FBLN7: variants seen among roughly 807,000 people sequenced by gnomAD.
The protein encoded by FBLN7 is fibulin 7.
FBLN7 carries 31 observed loss-of-function variants against 44.0 expected under a neutral mutation model. The observed-to-expected ratio is 0.70, with a 90% CI of 0.53 to 0.95. The LOEUF (loss-of-function observed/expected upper bound fraction) is 0.95. FBLN7 is among the 40% of genes least tolerant of loss of function. FBLN7 has a pLI of 0.00. For synonymous variants in FBLN7, 262 were observed against 253.4 expected (o/e 1.03, Z -0.32); for missense variants, 573 against 618.5 (o/e 0.93, Z 0.78).
intron 5 of FBLN7, 138 bp downstream of exon 5, chr2:112,182,014 T>A: frequency 9.2e-7 from 1 of 1,085,202 alleles, no homozygotes; most frequent in Non-Finnish European, 1.3e-6. Flanking sequence ...CACTTTGCAT[T>A]ATAGGTAAGT....
chr2:112,161,263 G>A (rs776426103), intron 2 of FBLN7, among the ~76,000 whole-genome samples: 1 of 152,148 alleles, frequency 6.6e-6, no homozygotes, highest in Non-Finnish European at 1.5e-5. Context: ...TTTATCAAGG[G>A]CTGTCTTTGT....
intron 4 of FBLN7, chr2:112,176,096 T>TA (rs1682726177): frequency 3.3e-6 from 1 of 300,244 alleles, no homozygotes; most frequent in African/African-American, 2.2e-5. Context: ...ACTCCCAACG[T>TA]AAAAATCCCC....
chr2:112,194,686 C>A, the FBLN7 span, among the ~76,000 whole-genome samples: 1 of 152,182 alleles, frequency 6.6e-6, no homozygotes. Context: ...GATTTTAGGG[C>A]CAATTTTCAA....
At chr2:112,196,399 T>TTTTA in the FBLN7 span, among the ~76,000 whole-genome samples, 1 of 83,460 alleles carries the variant, frequency 1.2e-5, no homozygotes, top group Non-Finnish European at 2.4e-5. Context: ...TTTTTTTTTT[T>TTTTA]GAGACAGGGT....
chr2:112,170,261 C>CA (rs1462641805), intron 3 of FBLN7, among the ~76,000 whole-genome samples: 1 of 144,076 alleles, frequency 6.9e-6, no homozygotes, highest in African/African-American at 2.6e-5. Context: ...CAAAACAAAA[C>CA]AAAAACAGAA....
the FBLN7 span, among the ~76,000 whole-genome samples, chr2:112,236,033 G>C: frequency 2.6e-5 from 4 of 152,026 alleles, no homozygotes; most frequent in Admixed American, 2.0e-4. Context: ...GGGAGCCGAG[G>C]CAGGTGGATC....
At position 112,181,541 on chromosome 2, in the gene FBLN7, C is replaced by G. The variant is rs554615203; in HGVS notation, c.533-198C>G. Among the ~76,000 whole-genome samples the G allele has an allele frequency of 2.0e-5, 3 of 152,266 alleles. No individual in the cohort carries two copies. In the South Asian group the frequency reaches 6.2e-4, roughly 32 times the overall value. On this transcript the variant is annotated intron_variant, in intron 4 of 7. Transcript: ENST00000331203. ...ATTCTATTCCAGGGCGCTTCCTTTC[C>G]CGCGCCCCCTTCGCGTAGGCCCTGG...
chr2:112,184,362 C>T (rs531098351), intron 6 of FBLN7, among the ~76,000 whole-genome samples: 3 of 152,276 alleles, frequency 2.0e-5, no homozygotes, highest in South Asian at 4.1e-4. Context: ...ATTGGGGCCC[C>T]GCTGCAGGGC....
chr2:112,198,809 G>A, the FBLN7 span, among the ~76,000 whole-genome samples: 1 of 152,122 alleles, frequency 6.6e-6, no homozygotes, highest in Non-Finnish European at 1.5e-5. Context: ...AGAACTGTGA[G>A]AAATAAATTT....
the FBLN7 span, chr2:112,216,357 A>G: frequency 6.6e-6 from 1 of 152,390 alleles, no homozygotes. Context: ...CACCCCAGTC[A>G]CACAAGAGGG....
In FBLN7 at chr2:112,175,578, A is replaced by G. The variant is rs185056450; in HGVS notation, c.407-136A>G. On this transcript the variant is annotated intron_variant, in intron 3 of 7. Coordinates refer to ENST00000331203, the MANE Select transcript of FBLN7 (RefSeq NM_153214.3). ...GCTCTTGCGGGTGGAGAGGGTGGAA[A>G]GAGTGGGTGGGGTCAGGTAGAAAGT... 2.6e-6 allele frequency: 3 copies of G among 1,132,722 alleles called. No homozygotes were observed. In the African/African-American group the frequency reaches 4.7e-5, roughly 18 times the overall value. The allele number at this position is 1,132,722 out of a possible 1,614,324, so 70.2% of individuals were successfully genotyped here.
chr2:112,180,164 A>G (rs1293323208), intron 4 of FBLN7, among the ~76,000 whole-genome samples: 3 of 152,220 alleles, frequency 2.0e-5, no homozygotes, highest in African/African-American at 7.2e-5. Flanking sequence ...CCCCATTAAA[A>G]AGTGGGCAAC....
Position 112,181,904 on chromosome 2 carries a change from G to A in FBLN7, c.670+28G>A, listed in dbSNP as rs987708648. On this transcript the variant is annotated intron_variant, in intron 5 of 7. Coordinates refer to ENST00000331203, the MANE Select transcript of FBLN7 (RefSeq NM_153214.3). Reference sequence around the variant, plus strand: ...AGGCGCGGGCTCCGCCAGGACACTGGGGACAGCACGGGGAGGACATGGGGC... The same window carrying A: ...AGGCGCGGGCTCCGCCAGGACACTGAGGACAGCACGGGGAGGACATGGGGC... The A allele has an allele frequency of 3.9e-6, 6 of 1,530,564 alleles. No individual in the cohort carries two copies. The East Asian group carries it at 7.4e-5, about 19-fold the overall frequency. The allele number at this position is 1,530,564 out of a possible 1,614,324, so 94.8% of individuals were successfully genotyped here. A position where few individuals can be genotyped will look rare whatever the true frequency, so the allele number is the denominator to read the frequency against.
rs878880815 is a variant in FBLN7 at position 112,183,725 on chromosome 2, A to G, written c.808+797A>G. Among the ~76,000 whole-genome samples the G allele has an allele frequency of 2.0e-5, 3 of 152,144 alleles. No homozygotes were observed. The South Asian group carries it at 6.2e-4, about 32-fold the overall frequency. ...CCAGTGCTGAATCCTGTCCATCAGC[A>G]GTGGTTTCCTGGAGGGCCGGGTTGA... On this transcript the variant is annotated intron_variant, in intron 6 of 7. Transcript: ENST00000331203.
chr2:112,222,395 G>C, the FBLN7 span, among the ~76,000 whole-genome samples: 3 of 152,172 alleles, frequency 2.0e-5, no homozygotes, highest in East Asian at 5.8e-4. Flanking sequence ...GGTGGGGGGA[G>C]GGTGGAGTTG....
chr2:112,140,312 C>T (rs1253642581), intron 1 of FBLN7, among the ~76,000 whole-genome samples: 2 of 151,784 alleles, frequency 1.3e-5, no homozygotes, highest in East Asian at 1.9e-4. Flanking sequence ...GGTCAGTGTC[C>T]CTCCTGCCTC....
At chr2:112,173,823 G>T (rs574288704) in intron 3 of FBLN7, among the ~76,000 whole-genome samples, 1 of 152,342 alleles carries the variant, frequency 6.6e-6, no homozygotes, top group Non-Finnish European at 1.5e-5. Context: ...TGGACATCAG[G>T]CCATTGGATG....
chr2:112,140,283 T>C (rs994408548), intron 1 of FBLN7, among the ~76,000 whole-genome samples: 41 of 149,034 alleles, frequency 2.8e-4, no homozygotes, highest in African/African-American at 1.0e-3. Context: ...CAGGTCAGTG[T>C]CCCTCCCGCC....
chr2:112,183,018 GGA>G, intron 6 of FBLN7, 90 bp downstream of exon 6: 1 of 1,521,460 alleles, frequency 6.6e-7, no homozygotes, highest in Non-Finnish European at 8.8e-7. Flanking sequence ...GAGGTGGTTA[GGA>G]GAGTCACAGT....
Sources: allele counts gnomAD v4.1 joint callset (sites outside exome capture counted in the v4.1 genomes callset), GRCh38; gene constraint gnomAD v4.1.1; transcripts MANE v1.5; gene names NCBI Gene and HGNC (gene_info 2026-07-23, HGNC 2026-07-21).